The following SLC38A1 variants were observed in gnomAD, a reference collection of about 807,000 sequenced individuals.
The protein encoded by SLC38A1 is sodium-coupled neutral amino acid symporter 1.
In SLC38A1, 18 loss-of-function variants were observed where a neutral mutation model predicts 60.3. The ratio of observed to expected loss-of-function variants is 0.30; its 90% CI spans 0.21 to 0.44. The LOEUF is 0.44. Among genes scored for constraint, SLC38A1 ranks in the 20% least tolerant of loss-of-function variants. The pLI, the probability that SLC38A1 is intolerant of heterozygous loss-of-function variation, is 1.00. For synonymous variants in SLC38A1, 196 were observed against 212.1 expected, an observed-to-expected ratio of 0.92 and a Z score of 0.66; for missense variants, 448 against 587.2, an observed-to-expected ratio of 0.76 and a Z score of 2.45.
rs781637216 is a variant in SLC38A1 at position 46,204,512 on chromosome 12, C to T, written c.705+20G>A. The T allele has an allele frequency of 6.2e-7, 1 of 1,612,176 alleles. No homozygotes were observed. The highest frequency in any genetic ancestry group is 1.1e-5 in the South Asian group (1 of 90,788). Reference sequence around the variant, plus strand: ...TTGTACTATCACAAAACCAAACCAACCATTGCAATCAGCACTTACCACAAT... The same window carrying T: ...TTGTACTATCACAAAACCAAACCAATCATTGCAATCAGCACTTACCACAAT... On this transcript the variant is annotated intron_variant, in intron 10 of 16. Coordinates refer to ENST00000398637, the MANE Select transcript of SLC38A1 (RefSeq NM_030674.4).
intron 9 of SLC38A1, 57 bp downstream of exon 9, chr12:46,206,023 C>A: frequency 2.9e-6 from 3 of 1,032,698 alleles, no homozygotes; most frequent in Non-Finnish European, 1.5e-6. Context: ...CATTTTTATT[C>A]AGTTTCTGAT....
chr12:46,242,305 C>T (rs1941471997), intron 2 of SLC38A1, among the ~76,000 whole-genome samples: 1 of 152,072 alleles, frequency 6.6e-6, no homozygotes, highest in South Asian at 2.1e-4. Context: ...ACACCTATCA[C>T]CAAGGCCACA....
intron 1 of SLC38A1, among the ~76,000 whole-genome samples, chr12:46,265,169 A>C (rs549733138): frequency 6.6e-6 from 1 of 152,310 alleles, no homozygotes; most frequent in Admixed American, 6.5e-5. Context: ...TACCACCAAC[A>C]CTACCACCAG....
intron 1 of SLC38A1, among the ~76,000 whole-genome samples, chr12:46,249,378 A>G (rs1941751944): frequency 6.6e-6 from 1 of 152,172 alleles, no homozygotes; most frequent in African/African-American, 2.4e-5. Flanking sequence ...CCACAAGAGA[A>G]AGCAGGAAAG....
rs1263972507 is a variant in SLC38A1 at position 46,256,621 on chromosome 12, A to G, written c.-209+11905T>C. Reference sequence around the variant, plus strand: ...AGTTTGCGCGCGCGCGCGCACACACACACACACACACACACAGAGAGAGAG... The same window carrying G: ...AGTTTGCGCGCGCGCGCGCACACACGCACACACACACACACAGAGAGAGAG... On this transcript the variant is annotated intron_variant, in intron 1 of 16. Coordinates refer to ENST00000398637, the MANE Select transcript of SLC38A1 (RefSeq NM_030674.4). 2.6e-5 allele frequency among the ~76,000 whole-genome samples: 3 copies of G among 115,050 alleles called. No homozygotes were observed. The East Asian group carries it at 9.4e-4, about 36-fold the overall frequency. 75.5% of individuals were successfully genotyped at this position (115,050 alleles called of 152,430 possible).
intron 11 of SLC38A1, 148 bp downstream of exon 11, chr12:46,204,153 T>G (rs921002746): frequency 1.5e-6 from 1 of 654,870 alleles, no homozygotes; most frequent in Admixed American, 2.4e-5. Context: ...TTCTCAAGGA[T>G]CTCTACATAG....
rs190845916 is a variant in SLC38A1 at position 46,216,211 on chromosome 12, C to G, written c.315-7084G>C. On this transcript the variant is annotated intron_variant, in intron 5 of 16. Transcript: ENST00000398637. ...ACTCTCCCTGCTTCTCCATCCCCACCCCCAATTATTCTAGGGGAAATACCT... is the reference window on the plus strand; with the variant it reads ...ACTCTCCCTGCTTCTCCATCCCCACGCCCAATTATTCTAGGGGAAATACCT... Among the ~76,000 whole-genome samples, 393 of 152,250 alleles carry G rather than the reference C, an allele frequency of 2.6e-3. 5 individuals carry two copies. The highest frequency in any genetic ancestry group is 8.9e-3 in the African/African-American group (370 of 41,546).
chr12:46,207,692 T>C, intron 6 of SLC38A1, 71 bp from the exon 7 acceptor site: 1 of 1,421,242 alleles, frequency 7.0e-7, no homozygotes, highest in South Asian at 1.2e-5. Context: ...CAAGATTTTG[T>C]CATTCTATTG....
chr12:46,197,965 C>G lies in SLC38A1; in HGVS notation c.1218G>C (p.Leu406Phe), dbSNP rs1939462577. ...TCATGGAGGGTATGAAGATCACCAACAAGTTGATAACAACCAAGAGTATGC... is the reference window on the plus strand; with the variant it reads ...TCATGGAGGGTATGAAGATCACCAAGAAGTTGATAACAACCAAGAGTATGC... Reference protein sequence around the residue: ...VTCILLVVINLLVIFIPSMKD... With the variant: ...VTCILLVVINFLVIFIPSMKD... Residue 406 changes from leucine (L) to phenylalanine (F), a missense_variant, in exon 15 of 17, where the codon TTG becomes TTC. By Grantham distance (22) the Leu-to-Phe change is conservative (BLOSUM62 0). Coordinates refer to ENST00000398637, the MANE Select transcript of SLC38A1 (RefSeq NM_030674.4). 3 of 1,614,054 alleles carry G rather than the reference C, an allele frequency of 1.9e-6. No homozygotes were observed. The highest frequency in any genetic ancestry group is 2.5e-6 in the Non-Finnish European group (3 of 1,179,980).
intron 1 of SLC38A1, among the ~76,000 whole-genome samples, chr12:46,250,531 A>G (rs1941799006): frequency 6.6e-6 from 1 of 152,222 alleles, no homozygotes; most frequent in African/African-American, 2.4e-5. Flanking sequence ...TCAATTAGGA[A>G]AAGACAAAGT....
intron 3 of SLC38A1, among the ~76,000 whole-genome samples, chr12:46,235,351 A>G (rs1056559844): frequency 6.6e-6 from 1 of 152,212 alleles, no homozygotes; most frequent in African/African-American, 2.4e-5. Context: ...AACTTAAATG[A>G]CCTTTCCTAC....
chr12:46,211,254 C>T (rs769425018), intron 5 of SLC38A1, among the ~76,000 whole-genome samples: 2 of 152,106 alleles, frequency 1.3e-5, no homozygotes, highest in African/African-American at 2.4e-5. Flanking sequence ...TGAGTGACAT[C>T]TTAGGATGAG....
intron 1 of SLC38A1, among the ~76,000 whole-genome samples, chr12:46,266,672 T>C (rs1243720299): frequency 6.6e-6 from 1 of 152,060 alleles, no homozygotes; most frequent in Non-Finnish European, 1.5e-5. Context: ...ATATAGTCTA[T>C]TTCCCCCTGA....
rs1555191157 is a variant in SLC38A1 at position 46,249,168 on chromosome 12, A to AAAAGAAAAG, written c.-208-5855_-208-5854insCTTTTCTTT. Among the ~76,000 whole-genome samples, 33 of 126,480 alleles carry AAAAGAAAAG rather than the reference A, an allele frequency of 2.6e-4. 2 individuals are homozygous for AAAAGAAAAG. Among genetic ancestry groups the AAAAGAAAAG allele is most frequent in the East Asian group, 2.4e-3 (11 of 4,542 alleles). 83.0% of individuals were successfully genotyped at this position (126,480 alleles called of 152,430 possible). The stretch of plus-strand genomic sequence containing the variant: ...GAGACTCCGCCTCAAAAAAAAAAAA[A>AAAAGAAAAG]AAAAAAAGAAACTCACTCAAAACCG... On this transcript the variant is annotated intron_variant, in intron 1 of 16. Transcript: ENST00000398637.
intron 16 of SLC38A1, among the ~76,000 whole-genome samples, chr12:46,190,665 T>C (rs1939108970): frequency 6.6e-6 from 1 of 152,366 alleles, no homozygotes; most frequent in South Asian, 2.1e-4. Context: ...GTGGTTTTGA[T>C]TTGCATTTCT....
chr12:46,214,835 G>A (rs4768108), intron 5 of SLC38A1, among the ~76,000 whole-genome samples: 98,064 of 152,036 alleles, frequency 0.65, 33,156 homozygotes, highest in Non-Finnish European at 0.75. Context: ...TAAAGCAGCC[G>A]TCACTGCATC....
intron 3 of SLC38A1, among the ~76,000 whole-genome samples, chr12:46,237,322 A>G (rs955841408): frequency 6.6e-6 from 1 of 152,210 alleles, no homozygotes; most frequent in African/African-American, 2.4e-5. Flanking sequence ...CTACTAAAAT[A>G]TGCCAATACA....
rs1324006890 is a variant in SLC38A1 at position 46,196,229 on chromosome 12, T to C, written c.1362+1491A>G. 4 of 1,536,042 alleles carry C rather than the reference T, an allele frequency of 2.6e-6. No individual in the cohort carries two copies. The East Asian group carries it at 9.8e-5, about 38-fold the overall frequency. The stretch of plus-strand genomic sequence containing the variant: ...GCGCTGCAGGGAGAAGGATGATGCA[T>C]TCTGAGAGCCAACAGGGCTGGACTG... On this transcript the variant is annotated intron_variant, in intron 16 of 16. Transcript: ENST00000398637.
chr12:46,210,971 T>C (rs1940139669), intron 5 of SLC38A1, among the ~76,000 whole-genome samples: 1 of 152,220 alleles, frequency 6.6e-6, no homozygotes, highest in Non-Finnish European at 1.5e-5. Context: ...AAGCATTTAT[T>C]AGCCAACCCA....
Sources: allele counts gnomAD v4.1 joint callset (sites outside exome capture counted in the v4.1 genomes callset), GRCh38; gene constraint gnomAD v4.1.1; transcripts MANE v1.5; gene names NCBI Gene and HGNC (gene_info 2026-07-23, HGNC 2026-07-21).